Variants in SPON1 observed in about 807,000 individuals in gnomAD.
SPON1 encodes the protein spondin-1.
Under a neutral mutation model 111.7 loss-of-function variants are expected in SPON1, and 52 were observed. The ratio of observed to expected loss-of-function variants is 0.47; its 90% confidence interval spans 0.37 to 0.59. The LOEUF (loss-of-function observed/expected upper bound fraction) is 0.59. SPON1 is among the 20% of genes least tolerant of loss of function. The pLI is 0.00. For synonymous variants in SPON1, 410 were observed against 395.8 expected, an observed-to-expected ratio of 1.04 and a Z score of -0.43; for missense variants, 957 against 1,068.5, an observed-to-expected ratio of 0.90 and a Z score of 1.46.
At chr11:14,030,205 G>A (rs1848548069) in intron 2 of SPON1, among the ~76,000 whole-genome samples, 1 of 152,212 alleles carries the variant, frequency 6.6e-6, no homozygotes, top group South Asian at 2.1e-4. Context: ...CCAAATGAAT[G>A]TTGGGCAAAT....
chr11:14,205,780 A>G (rs1848510956), intron 6 of SPON1, among the ~76,000 whole-genome samples: 1 of 152,172 alleles, frequency 6.6e-6, no homozygotes, highest in Non-Finnish European at 1.5e-5. Flanking sequence ...TAAGGCCTCC[A>G]CATGGAGGCC....
At chr11:14,056,580 A>G (rs781814654) in intron 3 of SPON1, among the ~76,000 whole-genome samples, 13 of 152,156 alleles carry the variant, frequency 8.5e-5, no homozygotes, top group Non-Finnish European at 1.5e-4. Context: ...AAAAATCAAG[A>G]CCAGGGAAAA....
At position 13,980,401 on chromosome 11, in the gene SPON1, G is replaced by T. The variant is rs539834593; in HGVS notation, c.239-2446G>T. ...CATCAGTAGCTCCTTTACTTTTGTG[G>T]GATAACCGGCCAATCACAGCATGTC... On this transcript the variant is annotated intron_variant, in intron 1 of 15. Transcript: ENST00000576479. 2.0e-5 allele frequency among the ~76,000 whole-genome samples: 3 copies of T among 152,136 alleles called. No homozygotes were observed. In the South Asian group the frequency reaches 6.3e-4, roughly 32 times the overall value.
At chr11:14,142,092 A>G (rs1048460030) in intron 6 of SPON1, among the ~76,000 whole-genome samples, 5 of 152,184 alleles carry the variant, frequency 3.3e-5, no homozygotes, top group Non-Finnish European at 7.4e-5. Flanking sequence ...TCTCTCTTCT[A>G]TGAGATGAAA....
intron 6 of SPON1, among the ~76,000 whole-genome samples, chr11:14,214,062 A>G (rs1848602729): frequency 6.6e-6 from 1 of 152,112 alleles, no homozygotes; most frequent in Non-Finnish European, 1.5e-5. Context: ...TTACTCCCAA[A>G]CATGCCTCTG....
chr11:14,262,863 C>T lies in SPON1; in HGVS notation c.2148C>T (p.Arg716=). The change falls in exon 15 of 16, where the codon CGC becomes CGT. Residue 716 remains arginine (R), a synonymous_variant. Coordinates refer to ENST00000576479, the MANE Select transcript of SPON1 (RefSeq NM_006108.4). The part of the protein sequence containing the change: ...CPETVQRKKC[R]IRKCLRNPSI... ...AGACTGTGCAGCGAAAAAAGTGCCG[C>T]ATCCGAAAATGCCTTCGAAATCCAT... 2 of 1,613,896 alleles carry T rather than the reference C, an allele frequency of 1.2e-6. No homozygotes were observed. The highest frequency in any genetic ancestry group is 8.5e-7 in the Non-Finnish European group (1 of 1,179,884).
chr11:14,224,340 A>T (rs996152304), intron 6 of SPON1, among the ~76,000 whole-genome samples: 1 of 152,190 alleles, frequency 6.6e-6, no homozygotes, highest in Non-Finnish European at 1.5e-5. Context: ...AGCGGTCAGG[A>T]AAGCCTTGAA....
Position 14,255,706 on chromosome 11 carries a change from T to C in SPON1, c.1152T>C (p.His384=), listed in dbSNP as rs1201150349. 2 of 1,613,638 alleles carry C rather than the reference T, an allele frequency of 1.2e-6. No homozygotes were observed. The highest frequency in any genetic ancestry group is 2.7e-5 in the African/African-American group (2 of 74,858). Reference sequence around the variant, plus strand: ...TCCGGCCCCTGACCAGCCTGGACCATCCTCAGAGTCCTTTCTATGACCCAG... The same window carrying C: ...TCCGGCCCCTGACCAGCCTGGACCACCCTCAGAGTCCTTTCTATGACCCAG... The part of the protein sequence containing the change: ...EKIRPLTSLD[H]PQSPFYDPEG... The change falls in exon 9 of 16, where the codon CAT becomes CAC. Residue 384 remains histidine (H), a synonymous_variant. Coordinates refer to ENST00000576479, the MANE Select transcript of SPON1 (RefSeq NM_006108.4).
chr11:14,205,391 T>G (rs976466929), intron 6 of SPON1, among the ~76,000 whole-genome samples: 7 of 152,174 alleles, frequency 4.6e-5, no homozygotes, highest in African/African-American at 1.7e-4. Flanking sequence ...ATTTGATGGA[T>G]GGATGCTTAG....
chr11:14,246,767 G>C lies in SPON1; in HGVS notation c.890+3371G>C, dbSNP rs79162882. 2.4e-4 allele frequency among the ~76,000 whole-genome samples: 37 copies of C among 152,268 alleles called. No individual in the cohort carries two copies. In the East Asian group the frequency reaches 7.1e-3, roughly 29 times the overall value. Reference sequence around the variant, plus strand: ...TGGAGATTACAATTCAGTGGGGAGAGATATTTACTAAATGATCACACAAAT... The same window carrying C: ...TGGAGATTACAATTCAGTGGGGAGACATATTTACTAAATGATCACACAAAT... On this transcript the variant is annotated intron_variant, in intron 7 of 15. Transcript: ENST00000576479.
At position 14,129,997 on chromosome 11, in the gene SPON1, T is replaced by A. The variant is rs111353616; in HGVS notation, c.677-5423T>A. On this transcript the variant is annotated intron_variant, in intron 5 of 15. Coordinates refer to ENST00000576479, the MANE Select transcript of SPON1 (RefSeq NM_006108.4). ...TGCTTTCATGACCTCCCACCAAATC[T>A]CTCCTGTGACATGTGGGAATTACAA... Among the ~76,000 whole-genome samples, 1,269 of 151,970 alleles carry A rather than the reference T, an allele frequency of 8.4e-3. 25 individuals carry two copies. The highest frequency in any genetic ancestry group is 0.029 in the African/African-American group (1,210 of 41,322).
intron 6 of SPON1, among the ~76,000 whole-genome samples, chr11:14,179,487 T>G (rs1174372462): frequency 6.6e-6 from 1 of 152,120 alleles, no homozygotes; most frequent in African/African-American, 2.4e-5. Context: ...AAAGGCCAGC[T>G]CAATTGTCAT....
intron 6 of SPON1, among the ~76,000 whole-genome samples, chr11:14,193,286 C>A (rs1368906709): frequency 3.3e-5 from 5 of 152,118 alleles, no homozygotes; most frequent in Admixed American, 3.3e-4. Flanking sequence ...GGCAGGAAGG[C>A]CTGGGAGATG....
intron 6 of SPON1, among the ~76,000 whole-genome samples, chr11:14,169,813 T>C (rs1221880229): frequency 1.4e-4 from 22 of 152,272 alleles, no homozygotes; most frequent in East Asian, 3.9e-4. Context: ...TGTAGATATG[T>C]GGCATTATTT....
intron 6 of SPON1, among the ~76,000 whole-genome samples, chr11:14,146,030 C>A (rs1377578951): frequency 1.3e-5 from 2 of 152,020 alleles, no homozygotes; most frequent in African/African-American, 4.8e-5. Flanking sequence ...GAACATACAC[C>A]AGAAACTCCT....
intron 6 of SPON1, among the ~76,000 whole-genome samples, chr11:14,234,935 A>T (rs1410717250): frequency 6.6e-6 from 1 of 152,206 alleles, no homozygotes; most frequent in East Asian, 1.9e-4. Context: ...GCAGCTTGTG[A>T]TGGTGGCTGC....
chr11:13,986,372 T>C (rs1393686107), intron 2 of SPON1, among the ~76,000 whole-genome samples: 2 of 152,214 alleles, frequency 1.3e-5, no homozygotes, highest in Non-Finnish European at 2.9e-5. Flanking sequence ...CTAATACTCA[T>C]TCATTGATAC....
At chr11:14,115,344 C>T (rs1227205949) in intron 5 of SPON1, among the ~76,000 whole-genome samples, 2 of 152,204 alleles carry the variant, frequency 1.3e-5, no homozygotes, top group Admixed American at 1.3e-4. Context: ...CAAAGCTTCA[C>T]ATTCATGTGA....
chr11:14,115,935 T>A (rs782791772), intron 5 of SPON1, among the ~76,000 whole-genome samples: 2 of 152,250 alleles, frequency 1.3e-5, no homozygotes, highest in Non-Finnish European at 2.9e-5. Context: ...TTTGTTTTGT[T>A]TTTCCACTTT....
Sources: allele counts gnomAD v4.1 joint callset (sites outside exome capture counted in the v4.1 genomes callset), GRCh38; gene constraint gnomAD v4.1.1; transcripts MANE v1.5; gene names NCBI Gene and HGNC (gene_info 2026-07-23, HGNC 2026-07-21).